The following ZNF711 variants were observed in gnomAD, a reference collection of about 807,000 sequenced individuals.
ZNF711 encodes the protein zinc finger protein 711.
A neutral mutation model predicts 43.5 loss-of-function variants in ZNF711; 3 were observed. The observed-to-expected ratio is 0.07, with a 90% confidence interval of 0.03 to 0.18. The LOEUF (loss-of-function observed/expected upper bound fraction) is 0.18. Ranked by LOEUF, ZNF711 falls within the 10% of genes least tolerant of loss-of-function variation. ZNF711 has a pLI of 1.00. For missense variants in ZNF711, 412 were observed against 604.0 expected (o/e 0.68, Z 3.33); for synonymous variants, 209 against 207.7 (o/e 1.01, Z -0.06).
rs768769673 is a variant in ZNF711, at chrX:85,269,993, T to A, written c.1103-10T>A. 1.7e-6 allele frequency: 2 copies of A among 1,207,656 alleles called. No individual in the cohort carries two copies. Among genetic ancestry groups the A allele is most frequent in the Admixed American group, 2.2e-5 (1 of 45,507 alleles). ...ATGTGATTTAATGATGTTTCAATTT[T>A]TTTTTCCAGGAAATACTTTGGACTC... On this transcript the variant is annotated splice_polypyrimidine_tract_variant and intron_variant, in intron 9 of 10. Transcript: ENST00000674551.
At position 85,246,939 on chromosome X, in the gene ZNF711, A is replaced by G. The variant is rs1929094701; in HGVS notation, c.-276A>G. The G allele has an allele frequency of 3.4e-6, 1 of 296,258 alleles. No homozygotes were observed. Among genetic ancestry groups the G allele is most frequent in the Non-Finnish European group, 5.9e-6 (1 of 170,125 alleles). 24.4% of individuals were successfully genotyped at this position (296,258 alleles called of 1,213,427 possible). A position where few individuals can be genotyped will look rare whatever the true frequency, so the allele number is the denominator to read the frequency against. On this transcript the variant is annotated 5_prime_UTR_variant, in exon 3 of 11. The change abolishes an upstream ATG in the 5' untranslated region. Transcript: ENST00000674551. ...TTTTTACCATATTTAGGAAGCAGTC[A>G]TGTTTCATGAGTCCTCAAAACTGAG...
rs1374918808 is a variant in ZNF711, at chrX:85,244,025, G to A, written c.-572G>A. On this transcript the variant is annotated 5_prime_UTR_variant, in exon 1 of 11. Transcript: ENST00000674551. ...GTAGATTGTGATTGGCTCGGGCTGC[G>A]GAACCTCGGAAACCCGAATGTGAGG... 1 of 121,395 alleles carries A rather than the reference G, an allele frequency of 8.2e-6. No individual in the cohort carries two copies. Among genetic ancestry groups the A allele is most frequent in the Middle Eastern group, 3.6e-3 (1 of 281 alleles). 10.0% of individuals were successfully genotyped at this position (121,395 alleles called of 1,213,427 possible). A position where few individuals can be genotyped will look rare whatever the true frequency, so the allele number is the denominator to read the frequency against.
chrX:85,270,260 T>A, intron 10 of ZNF711, 114 bp downstream of exon 10: 1 of 796,577 alleles, frequency 1.3e-6, no homozygotes, highest in South Asian at 2.7e-5. Flanking sequence ...TGTACCTGTT[T>A]GTGTATGCTA....
At chrX:85,263,111 G>T (rs1279725331) in intron 5 of ZNF711, among the ~76,000 whole-genome samples, 1 of 110,320 alleles carries the variant, frequency 9.1e-6, no homozygotes, top group Admixed American at 9.7e-5. Flanking sequence ...GTTTTTATAG[G>T]AACAGCATTA....
At chrX:85,269,946 A>G in intron 9 of ZNF711, 57 bp from the exon 10 acceptor site, 1 of 1,181,445 alleles carries the variant, frequency 8.5e-7, no homozygotes, top group Non-Finnish European at 1.2e-6. Context: ...CTCATTCAAC[A>G]GAACCAAAAA....
At chrX:85,254,479 C>T (rs1268503276) in intron 4 of ZNF711, among the ~76,000 whole-genome samples, 1 of 83,513 alleles carries the variant, frequency 1.2e-5, no homozygotes, top group Non-Finnish European at 2.2e-5. Context: ...CGGTGGCGGG[C>T]GCCTGTAGTC....
chrX:85,263,301 A>G (rs1324140903), intron 5 of ZNF711, among the ~76,000 whole-genome samples: 1 of 111,181 alleles, frequency 9.0e-6, no homozygotes, highest in East Asian at 2.8e-4. Context: ...AAGTGTATTT[A>G]AAATGTAAGC....
At chrX:85,268,822 ATCT>A (rs1293311264) in intron 9 of ZNF711, among the ~76,000 whole-genome samples, 2 of 110,680 alleles carry the variant, frequency 1.8e-5, no homozygotes, top group Non-Finnish European at 3.8e-5. Flanking sequence ...TCTCTAGTTG[ATCT>A]TCTTGTTAAG....
intron 7 of ZNF711, among the ~76,000 whole-genome samples, chrX:85,265,837 A>C (rs1048624078): frequency 9.0e-6 from 1 of 110,757 alleles, no homozygotes; most frequent in Admixed American, 9.6e-5. Context: ...CCTGTCACTA[A>C]AGGGTTATCT....
At chrX:85,263,208 A>G (rs1021549586) in intron 5 of ZNF711, among the ~76,000 whole-genome samples, 9 of 111,126 alleles carry the variant, frequency 8.1e-5, no homozygotes, top group Non-Finnish European at 1.9e-5. Flanking sequence ...TTATTAATCT[A>G]TTCATTGCAT....
intron 7 of ZNF711, among the ~76,000 whole-genome samples, chrX:85,266,513 G>GTTT (rs763803577): frequency 1.7e-3 from 187 of 110,249 alleles, no homozygotes; most frequent in Non-Finnish European, 2.6e-3. Flanking sequence ...TTTTTCCCAT[G>GTTT]TTTTTCCCCA....
At chrX:85,248,916 G>A (rs996971264) in intron 4 of ZNF711, among the ~76,000 whole-genome samples, 1 of 111,927 alleles carries the variant, frequency 8.9e-6, no homozygotes, top group Non-Finnish European at 1.9e-5. Flanking sequence ...TTCTAGTCAT[G>A]GCAGTGCTGT....
chrX:85,265,371 C>A (rs1288425749), intron 7 of ZNF711, 116 bp downstream of exon 7: 1 of 769,165 alleles, frequency 1.3e-6, no homozygotes, highest in African/African-American at 2.1e-5. Context: ...AAGCCTGATC[C>A]TTTGACCCTT....
chrX:85,248,052 T>TA (rs764208407), intron 4 of ZNF711, among the ~76,000 whole-genome samples: 1 of 109,146 alleles, frequency 9.2e-6, no homozygotes, highest in Admixed American at 9.8e-5. Context: ...TTACATCAAC[T>TA]AAAAAAAAGA....
intron 6 of ZNF711, 85 bp from the exon 7 acceptor site, chrX:85,265,033 G>T: frequency 3.5e-6 from 3 of 862,612 alleles, no homozygotes; most frequent in East Asian, 3.6e-5. Context: ...TTTTTTCTAA[G>T]AAATATTTCT....
rs944048283 is a variant in ZNF711 at position 85,244,127 on chromosome X, G to GGCGGCGGCGGCGGCGGCGGCA, written c.-458_-438dup. On this transcript the variant is annotated 5_prime_UTR_variant, in exon 1 of 11. Transcript: ENST00000674551. ...ACAGTCCGACTGGCGGCACGGAGGC[G>GGCGGCGGCGGCGGCGGCGGCA]GCGGCGGCGGCGGCGGCGGCAGCGG... is the stretch of plus-strand genomic sequence containing the variant. 1 of 149,318 alleles carries GGCGGCGGCGGCGGCGGCGGCA rather than the reference G, an allele frequency of 6.7e-6. No homozygotes were observed. The highest frequency in any genetic ancestry group is 2.2e-4 in the South Asian group (1 of 4,495). The allele number at this position is 149,318 out of a possible 1,213,427, so 12.3% of individuals were successfully genotyped here.
At position 85,265,268 on chromosome X, in the gene ZNF711, G is replaced by T. The variant is rs896935262; in HGVS notation, c.916+13G>T. Reference sequence around the variant, plus strand: ...GAAGATGATATCAGTAAGAAAATAAGGGCACTGTAGTGACTTATCAGTAGC... The same window carrying T: ...GAAGATGATATCAGTAAGAAAATAATGGCACTGTAGTGACTTATCAGTAGC... On this transcript the variant is annotated intron_variant, in intron 7 of 10. Coordinates refer to ENST00000674551, the MANE Select transcript of ZNF711 (RefSeq NM_001330574.2). 4 of 1,201,653 alleles carry T rather than the reference G, an allele frequency of 3.3e-6. No homozygotes were observed. Among genetic ancestry groups the T allele is most frequent in the Non-Finnish European group, 4.5e-6 (4 of 889,742 alleles).
At chrX:85,256,955 G>A (rs1162054206) in intron 5 of ZNF711, among the ~76,000 whole-genome samples, 1 of 111,238 alleles carries the variant, frequency 9.0e-6, no homozygotes, top group Admixed American at 9.6e-5. Context: ...TGTGGCAAAA[G>A]TTGGTAGTCT....
intron 7 of ZNF711, among the ~76,000 whole-genome samples, chrX:85,265,703 A>G (rs949201701): frequency 9.0e-6 from 1 of 111,127 alleles, no homozygotes; most frequent in Non-Finnish European, 1.9e-5. Context: ...TCATTCCAAT[A>G]TTAAGTGTGA....
Sources: allele counts gnomAD v4.1 joint callset (sites outside exome capture counted in the v4.1 genomes callset), GRCh38; gene constraint gnomAD v4.1.1; transcripts MANE v1.5; gene names NCBI Gene and HGNC (gene_info 2026-07-23, HGNC 2026-07-21).